Variants in TMEM163 observed in about 807,000 individuals in gnomAD.
TMEM163 encodes the protein transmembrane protein 163.
In TMEM163, 17 loss-of-function variants were observed where a neutral mutation model predicts 29.3. The observed-to-expected ratio is 0.58, with a 90% CI of 0.40 to 0.87. The LOEUF (loss-of-function observed/expected upper bound fraction) is 0.87, where lower values mean the gene tolerates loss of function less well. Ranked by LOEUF, TMEM163 falls within the 40% of genes least tolerant of loss-of-function variation. The pLI is 0.00. For missense variants in TMEM163, 303 were observed against 381.5 expected (o/e 0.79, Z 1.71); for synonymous variants, 157 against 160.6 (o/e 0.98, Z 0.17).
chr2:134,638,617 T>G (rs1439973051), intron 2 of TMEM163, among the ~76,000 whole-genome samples: 2 of 151,892 alleles, frequency 1.3e-5, no homozygotes, highest in African/African-American at 4.8e-5. Flanking sequence ...GGAAAAGGAT[T>G]TAGGACCAAT....
chr2:134,570,471 TATAC>T (rs1389791870), intron 2 of TMEM163, among the ~76,000 whole-genome samples: 6 of 41,888 alleles, frequency 1.4e-4, no homozygotes, highest in Non-Finnish European at 2.2e-4. Context: ...TACATATATA[TATAC>T]ATATACATAT....
chr2:134,566,797 A>G (rs1429474730), intron 2 of TMEM163, among the ~76,000 whole-genome samples: 1 of 152,248 alleles, frequency 6.6e-6, no homozygotes, highest in Non-Finnish European at 1.5e-5. Flanking sequence ...ATGTATAACA[A>G]CAAAATATTA....
intron 2 of TMEM163, among the ~76,000 whole-genome samples, chr2:134,624,787 T>C (rs1682813262): frequency 6.6e-6 from 1 of 151,998 alleles, no homozygotes; most frequent in Non-Finnish European, 1.5e-5. Flanking sequence ...CATGAGCCTA[T>C]AATCCTAGCT....
At position 134,655,368 on chromosome 2, in the gene TMEM163, G is replaced by A. The variant is rs1212211133; in HGVS notation, c.322+57832C>T. On this transcript the variant is annotated intron_variant, in intron 2 of 7. Coordinates refer to ENST00000281924, the MANE Select transcript of TMEM163 (RefSeq NM_030923.5). ...CTCCTGAGGCTTCTGCATTCTTCAC[G>A]TAGTTCTCGAGCCTTGGTTTTCAGC... is the stretch of plus-strand genomic sequence containing the variant. Among the ~76,000 whole-genome samples the A allele has an allele frequency of 1.3e-4, 14 of 109,266 alleles. 1 individual carries two copies. Among genetic ancestry groups the A allele is most frequent in the Admixed American group, 3.5e-4 (4 of 11,564 alleles). The allele number at this position is 109,266 out of a possible 152,430, so 71.7% of individuals were successfully genotyped here. A position where few individuals can be genotyped will look rare whatever the true frequency, so the allele number is the denominator to read the frequency against.
intron 5 of TMEM163, chr2:134,469,221 A>T (rs1194574374): frequency 6.6e-6 from 1 of 152,090 alleles, no homozygotes; most frequent in Non-Finnish European, 1.5e-5. Context: ...CTGTGCGGGA[A>T]GTTTCCTGTA....
rs754169594 is a variant in TMEM163, at chr2:134,466,202, G to C, written c.579C>G (p.Ser193=). 6 of 1,613,822 alleles carry C rather than the reference G, an allele frequency of 3.7e-6. No homozygotes were observed. The South Asian group carries it at 4.4e-5, about 12-fold the overall frequency. ...PEVDDFLFSV[S]ILSGILCSIL... ...TGCTGCAAAGAATCCCACTTAAAAT[G>C]GAGACACTGAACAGGAAATCGTCCT... The change falls in exon 6 of 8, where the codon TCC becomes TCG. Residue 193 remains serine, a synonymous_variant. Transcript: ENST00000281924.
intron 2 of TMEM163, among the ~76,000 whole-genome samples, chr2:134,687,057 G>A (rs1237111269): frequency 6.6e-6 from 1 of 152,164 alleles, no homozygotes; most frequent in African/African-American, 2.4e-5. Context: ...CTTTTGCTCT[G>A]GCGGAAGACA....
intron 5 of TMEM163, among the ~76,000 whole-genome samples, chr2:134,487,990 C>T (rs1679348123): frequency 6.7e-6 from 1 of 149,950 alleles, no homozygotes; most frequent in Non-Finnish European, 1.5e-5. Flanking sequence ...AAAAACAAAC[C>T]ACCACAATCT....
chr2:134,456,600 C>T lies in TMEM163; in HGVS notation c.*116G>A, dbSNP rs781525536. 22 of 1,284,286 alleles carry T rather than the reference C, an allele frequency of 1.7e-5. No homozygotes were observed. Among genetic ancestry groups the T allele is most frequent in the Non-Finnish European group, 2.2e-5 (20 of 909,850 alleles). The allele number at this position is 1,284,286 out of a possible 1,614,324, so 79.6% of individuals were successfully genotyped here. On this transcript the variant is annotated 3_prime_UTR_variant, in exon 8 of 8. Coordinates refer to ENST00000281924, the MANE Select transcript of TMEM163 (RefSeq NM_030923.5). ...CTGGGCAGACCTTGTCTTGTAATGA[C>T]AAACCATGTGAAAGAAAACTTCCAA...
chr2:134,512,534 A>C (rs1220715041), intron 4 of TMEM163, among the ~76,000 whole-genome samples: 1 of 152,226 alleles, frequency 6.6e-6, no homozygotes, highest in Non-Finnish European at 1.5e-5. Context: ...CTTGATAAAG[A>C]GGAGTGAAAA....
At chr2:134,457,027 A>G (rs972813230) in intron 7 of TMEM163, among the ~76,000 whole-genome samples, 24 of 152,194 alleles carry the variant, frequency 1.6e-4, no homozygotes, top group African/African-American at 5.5e-4. Flanking sequence ...GGATTTGCCT[A>G]TTGATATTTT....
chr2:134,585,831 T>C (rs1681811830), intron 2 of TMEM163, among the ~76,000 whole-genome samples: 1 of 152,128 alleles, frequency 6.6e-6, no homozygotes, highest in South Asian at 2.1e-4. Context: ...CTTATAAACA[T>C]AAAGCAAAAT....
intron 2 of TMEM163, among the ~76,000 whole-genome samples, chr2:134,583,400 G>A (rs1681740718): frequency 6.6e-6 from 1 of 152,160 alleles, no homozygotes; most frequent in Non-Finnish European, 1.5e-5. Flanking sequence ...CTTTGTATTT[G>A]TCACTTACAG....
At chr2:134,550,090 C>A (rs1352068856) in intron 4 of TMEM163, among the ~76,000 whole-genome samples, 1 of 152,138 alleles carries the variant, frequency 6.6e-6, no homozygotes, top group Non-Finnish European at 1.5e-5. Flanking sequence ...AACGTTAAGT[C>A]CTTCAAAGTC....
At position 134,592,869 on chromosome 2, in the gene TMEM163, G is replaced by GAGATAGATAGAT. The variant is rs55925415; in HGVS notation, c.323-40790_323-40779dup. Among the ~76,000 whole-genome samples the GAGATAGATAGAT allele has an allele frequency of 2.2e-3, 327 of 148,202 alleles. 5 individuals are homozygous for GAGATAGATAGAT. Among genetic ancestry groups the GAGATAGATAGAT allele is most frequent in the African/African-American group, 6.4e-3 (254 of 39,852 alleles). ...ATATAGAGATACAGATATTAATATA[G>GAGATAGATAGAT]AGATAGATAGATAGATAGATAGACC... On this transcript the variant is annotated intron_variant, in intron 2 of 7. Transcript: ENST00000281924.
chr2:134,610,733 A>G (rs1682488901), intron 2 of TMEM163, among the ~76,000 whole-genome samples: 1 of 152,104 alleles, frequency 6.6e-6, no homozygotes, highest in South Asian at 2.1e-4. Flanking sequence ...ATTTGAACAC[A>G]GTTTGTCTGG....
Position 134,563,726 on chromosome 2 carries a change from G to A in TMEM163, c.323-11635C>T, listed in dbSNP as rs58477685. On this transcript the variant is annotated intron_variant, in intron 2 of 7. Transcript: ENST00000281924. Reference sequence around the variant, plus strand: ...GTGGTGACAGAATTGATAAGATGAAGCCAGAGTTCATGTGGAAAGTGAAAA... The same window carrying A: ...GTGGTGACAGAATTGATAAGATGAAACCAGAGTTCATGTGGAAAGTGAAAA... Among the ~76,000 whole-genome samples, 693 of 152,290 alleles carry A rather than the reference G, an allele frequency of 4.6e-3. 8 individuals are homozygous for A. Among genetic ancestry groups the A allele is most frequent in the African/African-American group, 0.016 (670 of 41,550 alleles).
At chr2:134,623,284 A>G (rs1411590401) in intron 2 of TMEM163, among the ~76,000 whole-genome samples, 1 of 152,022 alleles carries the variant, frequency 6.6e-6, no homozygotes, top group Non-Finnish European at 1.5e-5. Flanking sequence ...ACCTCAGACA[A>G]ATTCTGATGG....
intron 2 of TMEM163, among the ~76,000 whole-genome samples, chr2:134,671,701 C>G (rs539469111): frequency 6.6e-6 from 1 of 152,320 alleles, no homozygotes; most frequent in African/African-American, 2.4e-5. Flanking sequence ...AGAAAGAACA[C>G]AGGAACTGGG....
Sources: allele counts gnomAD v4.1 joint callset (sites outside exome capture counted in the v4.1 genomes callset), GRCh38; gene constraint gnomAD v4.1.1; transcripts MANE v1.5; gene names NCBI Gene and HGNC (gene_info 2026-07-23, HGNC 2026-07-21).